Variants in GTPBP4 observed in about 807,000 individuals in gnomAD.
GTPBP4 encodes the protein GTP binding protein 4.
Under a neutral mutation model 81.7 loss-of-function variants are expected in GTPBP4, and 15 were observed. That is an observed-to-expected ratio of 0.18 (90% confidence interval 0.12 to 0.28). The LOEUF is 0.28. Among genes scored for constraint, GTPBP4 ranks in the 10% least tolerant of loss-of-function variants. The pLI, the probability that GTPBP4 is intolerant of heterozygous loss-of-function variation, is 1.00. For missense variants in GTPBP4, 847 were observed against 793.8 expected (o/e 1.07, Z -0.81); for synonymous variants, 272 against 274.6 (o/e 0.99, Z 0.09).
intron 1 of GTPBP4, 21 bp from the exon 2 acceptor site, chr10:992,468 T>C: frequency 6.7e-7 from 1 of 1,503,004 alleles, no homozygotes; most frequent in East Asian, 2.3e-5. Context: ...TGTAATTATG[T>C]TTTATTTTCT....
chr10:995,144 A>C (rs1304466688), intron 2 of GTPBP4, among the ~76,000 whole-genome samples: 3 of 152,162 alleles, frequency 2.0e-5, no homozygotes, highest in Non-Finnish European at 4.4e-5. Context: ...TGGTGATTTA[A>C]AATGCATTAG....
At position 1,009,020 on chromosome 10, in the gene GTPBP4, G is replaced by A; in HGVS notation, c.1176G>A (p.Glu392=). The part of the protein sequence containing the change: ...VARRKRMETE[E]SRKKRERDLE... Reference sequence around the variant, plus strand: ...GCAGGAAGAGGATGGAAACTGAGGAGTCCAGGAAGAAGAGGGTATGCTGCC... The same window carrying A: ...GCAGGAAGAGGATGGAAACTGAGGAATCCAGGAAGAAGAGGGTATGCTGCC... Residue 392 remains glutamate (E), a synonymous_variant, in exon 11 of 17, where the codon GAG becomes GAA. Coordinates refer to ENST00000360803, the MANE Select transcript of GTPBP4 (RefSeq NM_012341.3). The A allele has an allele frequency of 6.2e-7, 1 of 1,611,086 alleles. No individual in the cohort carries two copies. Among genetic ancestry groups the A allele is most frequent in the Non-Finnish European group, 8.5e-7 (1 of 1,177,230 alleles).
chr10:999,257 T>A (rs1831583611), intron 6 of GTPBP4, among the ~76,000 whole-genome samples, 162 bp downstream of exon 6: 1 of 152,180 alleles, frequency 6.6e-6, no homozygotes, highest in Non-Finnish European at 1.5e-5. Context: ...TAGCAGGGAT[T>A]ACAGGTGCAC....
At chr10:1,013,074 C>G (rs528306586) in intron 14 of GTPBP4, among the ~76,000 whole-genome samples, 37 of 152,104 alleles carry the variant, frequency 2.4e-4, no homozygotes, top group African/African-American at 7.2e-4. Context: ...GCCTCCACCT[C>G]GCGGGTTCAA....
At chr10:1,011,467 G>T (rs4880753) in intron 13 of GTPBP4, among the ~76,000 whole-genome samples, 2 of 135,202 alleles carry the variant, frequency 1.5e-5, no homozygotes, top group African/African-American at 2.5e-5. Context: ...CCTGCCTTCT[G>T]CTCTCAGCTG....
intron 8 of GTPBP4, among the ~76,000 whole-genome samples, chr10:1,003,855 A>G (rs1831680696): frequency 6.6e-6 from 1 of 152,144 alleles, no homozygotes; most frequent in African/African-American, 2.4e-5. Context: ...AGCAGCTGCC[A>G]CAGTGCTGGG....
At chr10:1,010,368 T>C in intron 12 of GTPBP4, 52 bp from the exon 13 acceptor site, 3 of 901,626 alleles carry the variant, frequency 3.3e-6, no homozygotes, top group Non-Finnish European at 3.7e-6. Context: ...CACGTAGTAC[T>C]TGAAGATATT....
In GTPBP4 at chr10:996,356, AT is replaced by A; in HGVS notation, c.460+116del. ...TATTTTGGAGATGACAGGGTCAGTT[AT>A]TCTTCCTAGCTTTACCTATGAGAAA... On this transcript the variant is annotated intron_variant, in intron 4 of 16. Transcript: ENST00000360803. 2.4e-6 allele frequency: 2 copies of A among 843,712 alleles called. 1 individual carries two copies. The highest frequency in any genetic ancestry group is 3.6e-6 in the Non-Finnish European group (2 of 558,096). 52.3% of individuals were successfully genotyped at this position (843,712 alleles called of 1,614,324 possible). A position where few individuals can be genotyped will look rare whatever the true frequency, so the allele number is the denominator to read the frequency against.
In GTPBP4 at chr10:999,018, G is replaced by T; in HGVS notation, c.577G>T (p.Val193Leu). 1 of 1,600,092 alleles carries T rather than the reference G, an allele frequency of 6.2e-7. No individual in the cohort carries two copies. Among genetic ancestry groups the T allele is most frequent in the Non-Finnish European group, 8.6e-7 (1 of 1,167,110 alleles). ...SFINKVTRAD[V>L]DVQPYAFTTK... ...CTTGTTCCAGGTGACGAGAGCAGAC[G>T]TGGATGTCCAGCCCTATGCGTTCAC... Residue 193 changes from valine (V) to leucine (L), a missense_variant, in exon 6 of 17, where the codon GTG becomes TTG. By Grantham distance (32) the Val-to-Leu change is conservative. Around this residue, in one of 3 missense-constraint regions of GTPBP4, gnomAD observed 600 missense variants for 557.1 expected, o/e 1.08. Transcript: ENST00000360803.
chr10:997,062 A>G (rs1243892071), intron 4 of GTPBP4, 146 bp from the exon 5 acceptor site: 1 of 669,004 alleles, frequency 1.5e-6, no homozygotes, highest in African/African-American at 1.8e-5. Flanking sequence ...ACTTTCTGCA[A>G]CTATTTTCTC....
intron 10 of GTPBP4, chr10:1,008,021 A>G (rs1045115535): frequency 2.0e-5 from 10 of 501,696 alleles, no homozygotes; most frequent in Non-Finnish European, 3.2e-5. Flanking sequence ...TGTGCTGTAC[A>G]TTTTTGAACT....
chr10:993,287 C>T (rs1172204833), intron 2 of GTPBP4, among the ~76,000 whole-genome samples: 1 of 152,174 alleles, frequency 6.6e-6, no homozygotes, highest in East Asian at 1.9e-4. Flanking sequence ...GAGTCTCACT[C>T]TGTTGCCCAG....
At chr10:1,015,984 T>TTCC in intron 16 of GTPBP4, 88 bp downstream of exon 16, 1 of 1,169,874 alleles carries the variant, frequency 8.5e-7, no homozygotes, top group Non-Finnish European at 1.2e-6. Flanking sequence ...CAGTTGCCAT[T>TTCC]TGCAGGAACT....
Position 1,000,202 on chromosome 10 carries a change from G to A in GTPBP4, c.655-475G>A, listed in dbSNP as rs562043638. Among the ~76,000 whole-genome samples, 17 of 141,880 alleles carry A rather than the reference G, an allele frequency of 1.2e-4. 2 individuals are homozygous for A. In the South Asian group the frequency reaches 3.0e-3, roughly 25 times the overall value. The allele number at this position is 141,880 out of a possible 152,430, so 93.1% of individuals were successfully genotyped here. A position where few individuals can be genotyped will look rare whatever the true frequency, so the allele number is the denominator to read the frequency against. ...AATAGTATGTACTTTTCTGTCACTG[G>A]TTTATTTTGTGGTATTCAGTTTGGG... On this transcript the variant is annotated intron_variant, in intron 6 of 16. Transcript: ENST00000360803.
At chr10:991,639 A>C (rs984313800) in intron 1 of GTPBP4, among the ~76,000 whole-genome samples, 1 of 149,184 alleles carries the variant, frequency 6.7e-6, no homozygotes, top group African/African-American at 2.5e-5. Context: ...AAAGGTTCTT[A>C]GGTGTTTGGA....
intron 12 of GTPBP4, among the ~76,000 whole-genome samples, chr10:1,009,976 C>T (rs1305065931): frequency 6.8e-6 from 1 of 146,030 alleles, no homozygotes; most frequent in East Asian, 2.1e-4. Context: ...GCCTGGACGA[C>T]AGAGTGAGAC....
chr10:990,336 G>A (rs143812767), intron 1 of GTPBP4, among the ~76,000 whole-genome samples: 35 of 152,100 alleles, frequency 2.3e-4, no homozygotes, highest in African/African-American at 8.2e-4. Flanking sequence ...CATTCTAGAA[G>A]ATGTTGAGTG....
rs2306405 is a variant in GTPBP4 at position 1,015,827 on chromosome 10, G to A, written c.1683G>A (p.Pro561=). The change falls in exon 16 of 17, where the codon CCG becomes CCA. Residue 561 remains proline, a synonymous_variant. Transcript: ENST00000360803. ...GAAAGCGGGAAGACTCTGCTCCCCC[G>A]TCCTCTGTGGCCCGGAGTGGGAGTT... ...RKRKREDSAP[P]SSVARSGSCS... The A allele has an allele frequency of 0.087, 140,541 of 1,613,576 alleles. 6,953 individuals are homozygous for A. The highest frequency in any genetic ancestry group is 0.12 in the Middle Eastern group (754 of 6,058).
rs763449480 is a variant in GTPBP4 at position 1,017,093 on chromosome 10, A to G, written c.1771A>G (p.Thr591Ala). ...CTTTTAGATGGTGAAGAAAGCCAAG[A>G]CTATGATGAAGAATGCTCAGAAGAA... Reference protein sequence around the residue: ...RDVKMVKKAKTMMKNAQKKMN... With the variant: ...RDVKMVKKAKAMMKNAQKKMN... Residue 591 changes from threonine (T) to alanine (A), a missense_variant, in exon 17 of 17, where the codon ACT becomes GCT. Around this residue, in one of 3 missense-constraint regions of GTPBP4, gnomAD observed 600 missense variants for 557.1 expected, o/e 1.08. Transcript: ENST00000360803. 71 of 1,613,472 alleles carry G rather than the reference A, an allele frequency of 4.4e-5. No individual in the cohort carries two copies. The highest frequency in any genetic ancestry group is 3.7e-4 in the South Asian group (34 of 90,980).
Sources: gnomAD v4.1 joint callset for allele counts (sites outside exome capture counted in the v4.1 genomes callset) on GRCh38, gnomAD v4.1.1 for gene constraint, gnomAD v4.1.1 regional missense constraint, MANE v1.5 for transcripts, NCBI Gene and HGNC (gene_info 2026-07-23, HGNC 2026-07-21) for gene names.